Variants in TTC28 observed in about 807,000 individuals in gnomAD.
The protein encoded by TTC28 is tetratricopeptide repeat protein 28.
Under a neutral mutation model 198.0 loss-of-function variants are expected in TTC28, and 61 were observed. The observed-to-expected ratio is 0.31, with a 90% CI of 0.25 to 0.38. The LOEUF (loss-of-function observed/expected upper bound fraction) is 0.38, where lower values mean the gene tolerates loss of function less well. Among genes scored for constraint, TTC28 ranks in the 10% least tolerant of loss-of-function variants. The probability of loss-of-function intolerance (pLI) is 1.00; values close to 1 mark genes in which losing one functional copy is unlikely to be tolerated. For synonymous variants in TTC28, 1,171 were observed against 1,297.8 expected, an observed-to-expected ratio of 0.90 and a Z score of 2.10; for missense variants, 2,678 against 3,164.0, an observed-to-expected ratio of 0.85 and a Z score of 3.69.
chr22:28,426,849 C>T (rs1159144730), intron 2 of TTC28, among the ~76,000 whole-genome samples: 1 of 152,156 alleles, frequency 6.6e-6, no homozygotes, highest in Non-Finnish European at 1.5e-5. Context: ...TCATTCAATA[C>T]CTAGAGATAT....
At chr22:28,066,590 C>G (rs1323859659) in intron 12 of TTC28, among the ~76,000 whole-genome samples, 1 of 152,144 alleles carries the variant, frequency 6.6e-6, no homozygotes, top group African/African-American at 2.4e-5. Flanking sequence ...GTCTGTCCAG[C>G]AGGTTTTAAA....
intron 5 of TTC28, among the ~76,000 whole-genome samples, chr22:28,176,520 G>T (rs1011016960): frequency 1.3e-5 from 2 of 152,234 alleles, no homozygotes; most frequent in African/African-American, 2.4e-5. Flanking sequence ...AGGTGACTAT[G>T]GCTAACAATA....
chr22:28,370,946 G>C (rs1191434380), intron 2 of TTC28, among the ~76,000 whole-genome samples: 1 of 152,138 alleles, frequency 6.6e-6, no homozygotes, highest in Non-Finnish European at 1.5e-5. Flanking sequence ...GGTGATTCAG[G>C]TGCACTTTAA....
intron 2 of TTC28, among the ~76,000 whole-genome samples, chr22:28,533,457 C>G (rs2049190117): frequency 6.6e-6 from 1 of 152,124 alleles, no homozygotes; most frequent in African/African-American, 2.4e-5. Context: ...TACGAAGAAT[C>G]AATATCATGA....
chr22:28,063,472 T>C (rs1036750367), intron 12 of TTC28, among the ~76,000 whole-genome samples: 2 of 152,240 alleles, frequency 1.3e-5, no homozygotes, highest in Non-Finnish European at 2.9e-5. Context: ...AGAATCTGTG[T>C]CCTTTAGGAC....
chr22:28,584,005 TGTTTTGTTTTG>T (rs2050271352), intron 2 of TTC28, among the ~76,000 whole-genome samples: 1 of 141,270 alleles, frequency 7.1e-6, no homozygotes, highest in Admixed American at 6.8e-5. Flanking sequence ...GTTTTGTTTT[TGTTTTGTTTTG>T]TTTTTTTTTT....
At chr22:28,419,096 T>A (rs185440680) in intron 2 of TTC28, among the ~76,000 whole-genome samples, 2 of 152,296 alleles carry the variant, frequency 1.3e-5, no homozygotes, top group East Asian at 3.9e-4. Flanking sequence ...TTTTGTTGAA[T>A]CTACTGTCAC....
At chr22:28,408,863 T>C (rs895121751) in intron 2 of TTC28, among the ~76,000 whole-genome samples, 8 of 152,238 alleles carry the variant, frequency 5.3e-5, no homozygotes, top group Admixed American at 5.2e-4. Flanking sequence ...CTACTTCTCA[T>C]GTAGGACAGA....
chr22:28,073,706 A>C (rs541057097), intron 12 of TTC28, among the ~76,000 whole-genome samples: 8 of 152,262 alleles, frequency 5.3e-5, no homozygotes, highest in African/African-American at 1.7e-4. Flanking sequence ...TTGATACGAG[A>C]TTTGCTTTAG....
At chr22:28,132,927 T>A (rs1171960088) in intron 6 of TTC28, among the ~76,000 whole-genome samples, 1 of 152,164 alleles carries the variant, frequency 6.6e-6, no homozygotes, top group Non-Finnish European at 1.5e-5. Flanking sequence ...TATAAATATA[T>A]GAGACATTTG....
intron 2 of TTC28, among the ~76,000 whole-genome samples, chr22:28,558,025 C>A (rs944652192): frequency 3.9e-5 from 6 of 152,058 alleles, no homozygotes. Flanking sequence ...ATTTTGTCAT[C>A]GTTTTTATTT....
At chr22:28,170,489 CAAAAAAAA>C (rs71791002) in intron 5 of TTC28, among the ~76,000 whole-genome samples, 2 of 100,106 alleles carry the variant, frequency 2.0e-5, no homozygotes, top group Admixed American at 1.1e-4. Flanking sequence ...ACTCCGTCTC[CAAAAAAAA>C]AAAAAAGAAA....
At chr22:28,029,122 T>A (rs1367478880) in intron 13 of TTC28, 1 of 470,982 alleles carries the variant, frequency 2.1e-6, no homozygotes, top group Non-Finnish European at 4.4e-6. Context: ...CATCCCTACA[T>A]GAAACCAAAA....
intron 2 of TTC28, among the ~76,000 whole-genome samples, chr22:28,328,758 AT>A (rs1418063424): frequency 4.0e-3 from 7 of 1,768 alleles, no homozygotes; most frequent in South Asian, 0.026. Flanking sequence ...TGTCTCAAAA[AT>A]AATAATAATA....
chr22:28,049,823 G>T (rs1466356112), intron 12 of TTC28, among the ~76,000 whole-genome samples: 1 of 152,052 alleles, frequency 6.6e-6, no homozygotes, highest in African/African-American at 2.4e-5. Context: ...ATGGGTGTAT[G>T]TTCGTGAAGA....
At chr22:28,345,381 T>C (rs1458286866) in intron 2 of TTC28, among the ~76,000 whole-genome samples, 3 of 152,116 alleles carry the variant, frequency 2.0e-5, no homozygotes. Flanking sequence ...TCTTATACAG[T>C]GCATGGGACT....
intron 2 of TTC28, among the ~76,000 whole-genome samples, chr22:28,439,065 A>G (rs559812360): frequency 3.1e-4 from 47 of 152,352 alleles, no homozygotes; most frequent in African/African-American, 9.4e-4. Context: ...GCCTAAAAAT[A>G]TAGGTTTTAA....
intron 5 of TTC28, among the ~76,000 whole-genome samples, chr22:28,181,184 A>G (rs900216009): frequency 1.3e-5 from 2 of 152,188 alleles, no homozygotes; most frequent in Non-Finnish European, 2.9e-5. Flanking sequence ...TGGAAGAACA[A>G]TATGTCAGAA....
Position 28,578,793 on chromosome 22 carries a change from C to A in TTC28, c.381+50759G>T, listed in dbSNP as rs2050188292. Among the ~76,000 whole-genome samples the A allele has an allele frequency of 2.6e-5, 4 of 152,204 alleles. No homozygotes were observed. In the South Asian group the frequency reaches 6.2e-4, roughly 24 times the overall value. ...CTTTACATTGAAACTCAGTGCTACC[C>A]TGTTACATTGGAAAGCAACACGGGG... On this transcript the variant is annotated intron_variant, in intron 2 of 22. Coordinates refer to ENST00000397906, the MANE Select transcript of TTC28 (RefSeq NM_001145418.2).
Sources: allele counts gnomAD v4.1 joint callset (sites outside exome capture counted in the v4.1 genomes callset), GRCh38; gene constraint gnomAD v4.1.1; transcripts MANE v1.5; gene names NCBI Gene and HGNC (gene_info 2026-07-23, HGNC 2026-07-21).